The following TPRA1 variants were observed in gnomAD, a reference collection of about 807,000 sequenced individuals.
TPRA1 encodes transmembrane protein adipocyte associated 1.
In TPRA1, 28 loss-of-function variants were observed where a neutral mutation model predicts 40.1. The ratio of observed to expected loss-of-function variants is 0.70; its 90% confidence interval spans 0.52 to 0.96. The LOEUF is 0.96. TPRA1 is among the 40% of genes least tolerant of loss of function. The probability of loss-of-function intolerance (pLI) is 0.00; values close to 1 mark genes in which losing one functional copy is unlikely to be tolerated. For synonymous variants in TPRA1, 219 were observed against 209.7 expected, an observed-to-expected ratio of 1.04 and a Z score of -0.38; for missense variants, 441 against 482.6, an observed-to-expected ratio of 0.91 and a Z score of 0.81.
exon 1 of TPRA1, chr3:127,598,100 C>T: frequency 2.8e-6 from 1 of 362,492 alleles, no homozygotes; most frequent in Non-Finnish European, 5.2e-6. Flanking sequence ...GCCACCGCGC[C>T]CGGCCTCTGT....
intron 10 of TPRA1, 187 bp downstream of exon 10, chr3:127,574,998 G>A: frequency 1.6e-6 from 1 of 644,890 alleles, no homozygotes; most frequent in East Asian, 2.8e-5. Flanking sequence ...ATGTGGGTGG[G>A]TGTGCGTATA....
chr3:127,578,058 C>T (rs188087206), intron 3 of TPRA1, among the ~76,000 whole-genome samples: 1 of 152,314 alleles, frequency 6.6e-6, no homozygotes, highest in African/African-American at 2.4e-5. Flanking sequence ...CACTGCTGTG[C>T]CCCCAAATCC....
rs200106759 is a variant in TPRA1 at position 127,580,114 on chromosome 3, A to G, written c.33T>C (p.Asn11=). 1.2e-6 allele frequency: 2 copies of G among 1,613,500 alleles called. No homozygotes were observed. Among genetic ancestry groups the G allele is most frequent in the Non-Finnish European group, 1.7e-6 (2 of 1,179,990 alleles). The stretch of plus-strand genomic sequence containing the variant: ...GGGGTGGGGGTAGCGCTGTGCTCCC[A>G]TTGGCCCAAGTCACCTCCTCCAGGG... MDTLEEVTWA[N]GSTALPPPLA... Residue 11 remains asparagine, a synonymous_variant, in exon 2 of 11, where the codon AAT becomes AAC. Coordinates refer to ENST00000355552, the MANE Select transcript of TPRA1 (RefSeq NM_001136053.4).
At chr3:127,590,291 A>AGCGGAAATGGGCCGCTC (rs1268324477) in intron 1 of TPRA1, 119 bp downstream of exon 1, 7 of 152,198 alleles carry the variant, frequency 4.6e-5, no homozygotes, top group Non-Finnish European at 8.8e-5. Flanking sequence ...GCTGCGCCCG[A>AGCGGAAATGGGCCGCTC]GCGGAAATGG....
At chr3:127,588,086 GCTGT>G (rs2074055404) in intron 1 of TPRA1, 1 of 152,328 alleles carries the variant, frequency 6.6e-6, no homozygotes, top group South Asian at 2.1e-4. Flanking sequence ...AGCAATCCAG[GCTGT>G]CTGTCTCCAG....
rs377688619 is a variant in TPRA1, at chr3:127,577,015, G to A, written c.320C>T (p.Ser107Leu). 3 of 1,613,796 alleles carry A rather than the reference G, an allele frequency of 1.9e-6. No homozygotes were observed. Among genetic ancestry groups the A allele is most frequent in the South Asian group, 1.1e-5 (1 of 91,084 alleles). ...CTTATCAGCAACAGTTGCAGCGTTC[G>A]AGGTGCTCACCGTCATGGATACCAC... ...RAVVSMTVST[S>L]NAATVADKIL... Residue 107 changes from serine to leucine, a missense_variant, in exon 4 of 11, where the codon TCG (serine) becomes TTG (leucine). Transcript: ENST00000355552.
At position 127,580,037 on chromosome 3, in the gene TPRA1, T is replaced by C. The variant is rs774840504; in HGVS notation, c.110A>G (p.Asp37Gly). 6 of 1,613,610 alleles carry C rather than the reference T, an allele frequency of 3.7e-6. No homozygotes were observed. In the African/African-American group the frequency reaches 6.7e-5, roughly 18 times the overall value. ...ACTGCCTCACCTGGAGGTGCCAATG[T>C]CTTCGTAGAGCAGCAGCAGGCAGCG... is the stretch of plus-strand genomic sequence containing the variant. ...PHRCLLLLYE[D>G]IGTSRVRYWD... Residue 37 changes from aspartate (D) to glycine (G), a missense_variant, in exon 2 of 11, where the codon GAC (aspartate) becomes GGC (glycine). Physicochemically the swap from Asp to Gly is moderately conservative, Grantham distance 94 (BLOSUM62 -1). Transcript: ENST00000355552.
At chr3:127,584,597 T>C (rs1403200269) in intron 1 of TPRA1, among the ~76,000 whole-genome samples, 1 of 151,672 alleles carries the variant, frequency 6.6e-6, no homozygotes, top group African/African-American at 2.4e-5. Context: ...CCTTTAGTGA[T>C]GGAACCAATG....
At chr3:127,583,071 G>A (rs1334592123) in intron 1 of TPRA1, among the ~76,000 whole-genome samples, 19 of 150,154 alleles carry the variant, frequency 1.3e-4, no homozygotes, top group Admixed American at 7.9e-4. Flanking sequence ...CCTTGAACCC[G>A]GGAGGCATAG....
At chr3:127,588,313 CT>C (rs1186356250) in intron 1 of TPRA1, among the ~76,000 whole-genome samples, 4 of 152,200 alleles carry the variant, frequency 2.6e-5, no homozygotes, top group Non-Finnish European at 4.4e-5. Context: ...GGTGGTGCCC[CT>C]GCTGCTGCTA....
intron 1 of TPRA1, among the ~76,000 whole-genome samples, chr3:127,587,576 GACA>G (rs1434587616): frequency 6.6e-6 from 1 of 152,128 alleles, no homozygotes; most frequent in African/African-American, 2.4e-5. Context: ...GTATCATGGG[GACA>G]ACATCTGCCT....
At chr3:127,593,930 A>G (rs2074217136), upstream of TPRA1, among the ~76,000 whole-genome samples, 2 of 152,212 alleles carry the variant, frequency 1.3e-5, no homozygotes, top group African/African-American at 4.8e-5. Flanking sequence ...CAGGCCAATG[A>G]TACCTTTCCC....
intron 10 of TPRA1, 79 bp downstream of exon 10, chr3:127,575,106 T>A: frequency 2.0e-6 from 3 of 1,508,214 alleles, no homozygotes; most frequent in East Asian, 2.3e-5. Flanking sequence ...GCCTCTCAGC[T>A]TCAATCCTCA....
In TPRA1 at chr3:127,580,148, C is replaced by T; in HGVS notation, c.-2G>A. 1 of 1,611,664 alleles carries T rather than the reference C, an allele frequency of 6.2e-7. No individual in the cohort carries two copies. On this transcript the variant is annotated 5_prime_UTR_variant, in exon 2 of 11. Transcript: ENST00000355552. ...AGTCACCTCCTCCAGGGTGTCCATC[C>T]CGCCAGCAGCCAGCCCTGGGGGAGT...
chr3:127,573,851 C>G, intron 10 of TPRA1, 63 bp from the exon 11 acceptor site: 2 of 1,504,926 alleles, frequency 1.3e-6, no homozygotes, highest in Non-Finnish European at 1.8e-6. Flanking sequence ...GCCTTCCTCT[C>G]CAGGCTGATG....
chr3:127,574,764 GTACA>G (rs2073522988), intron 10 of TPRA1, among the ~76,000 whole-genome samples: 1 of 152,226 alleles, frequency 6.6e-6, no homozygotes, highest in East Asian at 1.9e-4. Flanking sequence ...TGTGTGTACT[GTACA>G]TACAATGTGC....
intron 3 of TPRA1, among the ~76,000 whole-genome samples, chr3:127,578,038 G>A (rs2073705672): frequency 6.6e-6 from 1 of 152,140 alleles, no homozygotes; most frequent in Non-Finnish European, 1.5e-5. Context: ...TGGAGATGGT[G>A]CCCCAGCAGC....
intron 10 of TPRA1, among the ~76,000 whole-genome samples, chr3:127,574,656 A>G (rs1402950029): frequency 6.6e-6 from 1 of 152,218 alleles, no homozygotes; most frequent in Non-Finnish European, 1.5e-5. Flanking sequence ...GTGCTCAATG[A>G]ATGCTTGCGA....
intron 3 of TPRA1, among the ~76,000 whole-genome samples, chr3:127,579,338 T>C (rs373179306): frequency 4.6e-5 from 7 of 152,206 alleles, no homozygotes; most frequent in African/African-American, 1.4e-4. Context: ...CCTCAGTCCA[T>C]ATGGTCCAGC....
Sources: allele counts gnomAD v4.1 joint callset (sites outside exome capture counted in the v4.1 genomes callset), GRCh38; gene constraint gnomAD v4.1.1; transcripts MANE v1.5; gene names NCBI Gene and HGNC (gene_info 2026-07-23, HGNC 2026-07-21).